The following BSN variants were observed in gnomAD, a reference collection of about 807,000 sequenced individuals.
BSN encodes the protein protein bassoon.
A neutral mutation model predicts 264.8 loss-of-function variants in BSN; 57 were observed. The observed-to-expected ratio is 0.22, with a 90% CI of 0.17 to 0.27. The LOEUF is 0.27. Among genes scored for constraint, BSN ranks in the 10% least tolerant of loss-of-function variants. BSN has a pLI of 1.00. For synonymous variants in BSN, 2,059 were observed against 2,137.3 expected (o/e 0.96, Z 1.01); for missense variants, 4,615 against 5,232.5 (o/e 0.88, Z 3.64).
intron 1 of BSN, among the ~76,000 whole-genome samples, chr3:49,587,960 C>T (rs561849346): frequency 4.5e-5 from 4 of 89,380 alleles, no homozygotes; most frequent in Non-Finnish European, 7.3e-5. Context: ...CTCGCTCTGT[C>T]GCCTGGGCTG....
At chr3:49,593,397 T>C (rs572766810) in intron 1 of BSN, among the ~76,000 whole-genome samples, 1 of 152,374 alleles carries the variant, frequency 6.6e-6, no homozygotes, top group African/African-American at 2.4e-5. Flanking sequence ...CAAGTCTTCA[T>C]TTTTCTGGTA....
rs145831041 is a variant in BSN at position 49,653,779 on chromosome 3, G to A, written c.4223G>A (p.Arg1408His). The change falls in exon 5 of 12, where the codon CGT becomes CAT. Residue 1408 changes from arginine (R) to histidine (H), a missense_variant. Arg to His is a conservative substitution (Grantham distance 29, BLOSUM62 0). This residue lies in a region of BSN where 3,415 missense variants were observed against 3,866.4 expected (regional missense o/e 0.88). Transcript: ENST00000296452. The surrounding 1 kb of genome is among the most constrained non-coding windows in gnomAD (Gnocchi z 6.3). ...CCAGCCTCCCCAGCAGGCTCCGAGC[G>A]TAGTCCTTCACCATCTTCCACAGCC... ...MTPASPAGSE[R>H]SPSPSSTAHS... 1.5e-4 allele frequency: 244 copies of A among 1,613,920 alleles called. No homozygotes were observed. Among genetic ancestry groups the A allele is most frequent in the South Asian group, 2.9e-4 (26 of 91,090 alleles).
intron 1 of BSN, among the ~76,000 whole-genome samples, chr3:49,556,904 A>C (rs1575422620): frequency 1.3e-5 from 2 of 152,234 alleles, no homozygotes; most frequent in African/African-American, 4.8e-5. Context: ...ATTTCGGGGC[A>C]GTCAGAAACC....
intron 1 of BSN, among the ~76,000 whole-genome samples, chr3:49,574,519 T>C (rs1490074463): frequency 6.6e-6 from 1 of 150,740 alleles, no homozygotes; most frequent in Non-Finnish European, 1.5e-5. Flanking sequence ...CTGCAACCTC[T>C]GCCTCCTGGG....
In BSN at chr3:49,642,260, C is replaced by CT. The variant is rs1307345834; in HGVS notation, c.634-7dup. 6.6e-7 allele frequency: 1 copy of CT among 1,514,164 alleles called. No individual in the cohort carries two copies. The highest frequency in any genetic ancestry group is 1.4e-5 in the African/African-American group (1 of 71,704). The allele number at this position is 1,514,164 out of a possible 1,614,324, so 93.8% of individuals were successfully genotyped here. Reference sequence around the variant, plus strand: ...CCACCCTGCTGACTATTTTGCTTTTCTCCTCAGGTGAAGGAGTGGCTCTGT... The same window carrying CT: ...CCACCCTGCTGACTATTTTGCTTTTCTTCCTCAGGTGAAGGAGTGGCTCTGT... On this transcript the variant is annotated splice_region_variant and splice_polypyrimidine_tract_variant and intron_variant, in intron 2 of 11. Coordinates refer to ENST00000296452, the MANE Select transcript of BSN (RefSeq NM_003458.4). This position sits in a 1 kb window ranked among gnomAD's most constrained non-coding sequence, Gnocchi z 7.0.
intron 1 of BSN, among the ~76,000 whole-genome samples, chr3:49,605,926 AAAATC>A (rs1371977401): frequency 1.5e-3 from 1 of 666 alleles, no homozygotes; most frequent in Non-Finnish European, 3.8e-3. Context: ...AAATAGATAT[AAAATC>A]TATTTATATA....
intron 2 of BSN, among the ~76,000 whole-genome samples, chr3:49,629,283 T>C (rs2052367387): frequency 6.6e-6 from 1 of 152,222 alleles, no homozygotes; most frequent in Admixed American, 6.5e-5. Flanking sequence ...ACCTTTCCGT[T>C]CTTCAGTGAC....
chr3:49,632,877 G>A lies in BSN; in HGVS notation c.633+7494G>A, dbSNP rs76886191. The stretch of plus-strand genomic sequence containing the variant: ...GATACTTGAGAGGCTAAGGTGGGAG[G>A]GTATCCTGAGCCTAGGAGTTTGAGA... On this transcript the variant is annotated intron_variant, in intron 2 of 11. Transcript: ENST00000296452. Among the ~76,000 whole-genome samples, 344 of 152,152 alleles carry A rather than the reference G, an allele frequency of 2.3e-3. 9 individuals carry two copies. In the East Asian group the frequency reaches 0.055, roughly 24 times the overall value.
At position 49,656,730 on chromosome 3, in the gene BSN, G is replaced by C. The variant is rs1281933733; in HGVS notation, c.7174G>C (p.Glu2392Gln). ...LEKLRQLRLQEELERERVELQ... is the reference protein window; with the variant it reads ...LEKLRQLRLQQELERERVELQ... ...GAAGCTGCGACAACTTCGGCTGCAAGAGGAGCTAGAGCGGGAACGTGTGGA... is the reference window on the plus strand; with the variant it reads ...GAAGCTGCGACAACTTCGGCTGCAACAGGAGCTAGAGCGGGAACGTGTGGA... Residue 2392 changes from glutamate (E) to glutamine (Q), a missense_variant, in exon 5 of 12, where the codon GAG becomes CAG. Glu to Gln is a conservative substitution (Grantham distance 29, BLOSUM62 2). Transcript: ENST00000296452. The C allele has an allele frequency of 6.3e-7, 1 of 1,576,930 alleles. No individual in the cohort carries two copies.
chr3:49,641,814 A>G (rs2052466889), intron 2 of BSN: 1 of 157,560 alleles, frequency 6.3e-6, no homozygotes, highest in African/African-American at 2.4e-5. Context: ...CCCATTGCAT[A>G]TAAGCACTGC....
chr3:49,554,777 C>G lies in BSN; in HGVS notation c.175C>G (p.Pro59Ala). 8.1e-7 allele frequency: 1 copy of G among 1,227,720 alleles called. No individual in the cohort carries two copies. Among genetic ancestry groups the G allele is most frequent in the Non-Finnish European group, 1.0e-6 (1 of 985,256 alleles). The allele number at this position is 1,227,720 out of a possible 1,614,324, so 76.1% of individuals were successfully genotyped here. A position where few individuals can be genotyped will look rare whatever the true frequency, so the allele number is the denominator to read the frequency against. The change falls in exon 1 of 12, where the codon CCG (proline) becomes GCG (alanine). Residue 59 changes from proline to alanine, a missense_variant. Pro to Ala is a conservative substitution (Grantham distance 27). Around this residue, in one of 3 missense-constraint regions of BSN, gnomAD observed 1,197 missense variants for 1,348.0 expected, o/e 0.89. Transcript: ENST00000296452. ...AGAARSTAVP[P>A]VPGPGPGPGP... ...AGCAGCGCGGTCGACCGCGGTACCACCGGTCCCTGGCCCCGGCCCCGGCCC... is the reference window on the plus strand; with the variant it reads ...AGCAGCGCGGTCGACCGCGGTACCAGCGGTCCCTGGCCCCGGCCCCGGCCC...
chr3:49,564,855 G>A (rs1241916202), intron 1 of BSN, among the ~76,000 whole-genome samples: 2 of 152,136 alleles, frequency 1.3e-5, no homozygotes, highest in Non-Finnish European at 2.9e-5. Context: ...CCCTTGTGCA[G>A]ATTTGTCCTT....
intron 1 of BSN, among the ~76,000 whole-genome samples, chr3:49,614,619 G>A (rs2052244826): frequency 6.6e-6 from 1 of 152,198 alleles, no homozygotes; most frequent in African/African-American, 2.4e-5. Context: ...GCAGGTCTAA[G>A]GGTTTGGTTT....
intron 1 of BSN, among the ~76,000 whole-genome samples, chr3:49,586,951 T>C (rs1172833482): frequency 6.6e-6 from 1 of 152,142 alleles, no homozygotes; most frequent in Non-Finnish European, 1.5e-5. Flanking sequence ...AAGAATGTCA[T>C]TGATAGTTTG....
chr3:49,565,244 C>A (rs190174468), intron 1 of BSN, among the ~76,000 whole-genome samples: 1 of 142,852 alleles, frequency 7.0e-6, no homozygotes, highest in Non-Finnish European at 1.5e-5. Context: ...CTCCAGGGTT[C>A]ATGCCATTCT....
chr3:49,614,010 CAG>C (rs1161002233), intron 1 of BSN, among the ~76,000 whole-genome samples: 8 of 150,834 alleles, frequency 5.3e-5, no homozygotes, highest in Non-Finnish European at 8.8e-5. Flanking sequence ...GTCATTCACA[CAG>C]TGCTTGTCAC....
chr3:49,568,310 G>T (rs550480408), intron 1 of BSN, among the ~76,000 whole-genome samples: 2 of 152,254 alleles, frequency 1.3e-5, no homozygotes, highest in African/African-American at 4.8e-5. Flanking sequence ...GTAAAGAATT[G>T]AAAACAACAA....
At chr3:49,643,670 T>C (rs1431292371) in intron 3 of BSN, among the ~76,000 whole-genome samples, 1 of 152,200 alleles carries the variant, frequency 6.6e-6, no homozygotes, top group African/African-American at 2.4e-5. Context: ...TCAACCTTGA[T>C]TGTCTCTTCT....
intron 3 of BSN, among the ~76,000 whole-genome samples, chr3:49,643,641 C>T (rs2052485160): frequency 6.6e-6 from 1 of 152,204 alleles, no homozygotes; most frequent in African/African-American, 2.4e-5. Flanking sequence ...GTCCAGGCTC[C>T]AGCCCAGCAA....
Sources: gnomAD v4.1 joint callset for allele counts (sites outside exome capture counted in the v4.1 genomes callset) on GRCh38, gnomAD v4.1.1 for gene constraint, gnomAD v4.1.1 regional missense constraint, Gnocchi (gnomAD v3.1) non-coding constraint, MANE v1.5 for transcripts, NCBI Gene and HGNC (gene_info 2026-07-23, HGNC 2026-07-21) for gene names.